The following PRKACB variants were observed in gnomAD, a reference collection of about 807,000 sequenced individuals.
PRKACB encodes cAMP-dependent protein kinase catalytic subunit beta.
In PRKACB, 16 loss-of-function variants were observed where a neutral mutation model predicts 51.4. That is an observed-to-expected ratio of 0.31 (90% CI 0.21 to 0.47). The LOEUF is 0.47. Ranked by LOEUF, PRKACB falls within the 20% of genes least tolerant of loss-of-function variation. The probability of loss-of-function intolerance (pLI) is 1.00; values close to 1 mark genes in which losing one functional copy is unlikely to be tolerated. For synonymous variants in PRKACB, 147 were observed against 154.4 expected, an observed-to-expected ratio of 0.95 and a Z score of 0.35; for missense variants, 309 against 464.5, an observed-to-expected ratio of 0.67 and a Z score of 3.08.
Position 84,095,247 on chromosome 1 carries a change from GT to G in PRKACB, c.46+16890del, listed in dbSNP as rs5775776. 2.5e-3 allele frequency among the ~76,000 whole-genome samples: 346 copies of G among 137,124 alleles called. 2 individuals are homozygous for G. Among genetic ancestry groups the G allele is most frequent in the East Asian group, 6.9e-3 (32 of 4,630 alleles). 90.0% of individuals were successfully genotyped at this position (137,124 alleles called of 152,430 possible). Reference sequence around the variant, plus strand: ...TATTTATATTTATCCCATATTTGCTGTTTTTTTTTTTTTTGCGCTTATTCCT... The same window carrying G: ...TATTTATATTTATCCCATATTTGCTGTTTTTTTTTTTTTGCGCTTATTCCT... On this transcript the variant is annotated intron_variant, in intron 1 of 8. Transcript: ENST00000370688.
chr1:84,173,906 G>A (rs149453800), intron 1 of PRKACB, among the ~76,000 whole-genome samples: 97 of 151,678 alleles, frequency 6.4e-4, no homozygotes, highest in African/African-American at 2.2e-3. Context: ...ATTTTTAATA[G>A]CCCTGTTCCT....
intron 1 of PRKACB, chr1:84,157,207 G>A (rs1655610173): frequency 6.6e-6 from 1 of 152,100 alleles, no homozygotes; most frequent in Admixed American, 6.6e-5. Flanking sequence ...TTACCACAGA[G>A]TATTGAGAAG....
At chr1:84,182,370 G>T in intron 3 of PRKACB, 42 bp downstream of exon 3, 1 of 1,455,206 alleles carries the variant, frequency 6.9e-7, no homozygotes, top group South Asian at 1.6e-5. Context: ...GTAAACTTTA[G>T]TTTTATCAGC....
At chr1:84,186,828 T>G (rs1288729701) in intron 5 of PRKACB, among the ~76,000 whole-genome samples, 1 of 151,976 alleles carries the variant, frequency 6.6e-6, no homozygotes, top group Non-Finnish European at 1.5e-5. Flanking sequence ...GAAGGAAAAT[T>G]TTTCTCAAAG....
Position 84,235,375 on chromosome 1 carries a change from G to C in PRKACB, c.*70G>C. On this transcript the variant is annotated 3_prime_UTR_variant, in exon 10 of 10. Transcript: ENST00000370685. Reference sequence around the variant, plus strand: ...CTGTTGAGAGATAAGGTAGAGCTGAGACCGTCCTTGTTGAAGCAGTTACCT... The same window carrying C: ...CTGTTGAGAGATAAGGTAGAGCTGACACCGTCCTTGTTGAAGCAGTTACCT... 6.3e-7 allele frequency: 1 copy of C among 1,589,040 alleles called. No individual in the cohort carries two copies.
chr1:84,082,367 G>C (rs1409544995), intron 1 of PRKACB, among the ~76,000 whole-genome samples: 1 of 151,936 alleles, frequency 6.6e-6, no homozygotes, highest in Non-Finnish European at 1.5e-5. Context: ...AAGTGAAAAA[G>C]ATTATTTTTT....
At position 84,197,833 on chromosome 1, in the gene PRKACB, A is replaced by G. The variant is rs1463849420; in HGVS notation, c.783+9A>G. The G allele has an allele frequency of 6.4e-7, 1 of 1,567,784 alleles. No individual in the cohort carries two copies. Among genetic ancestry groups the G allele is most frequent in the Non-Finnish European group, 8.8e-7 (1 of 1,140,540 alleles). On this transcript the variant is annotated intron_variant, in intron 7 of 9. Coordinates refer to ENST00000370685, the MANE Select transcript of PRKACB (RefSeq NM_182948.4). ...AAATAATTCTCAGCAAGGTATATTC[A>G]TAATATCAACACATAAGAAGTAGAA...
intron 7 of PRKACB, among the ~76,000 whole-genome samples, chr1:84,198,939 G>A (rs1339783614): frequency 2.1e-5 from 3 of 145,418 alleles, no homozygotes; most frequent in African/African-American, 7.7e-5. Flanking sequence ...ATGTATATGT[G>A]TATATATACA....
chr1:84,132,776 G>T (rs997909948), intron 1 of PRKACB, among the ~76,000 whole-genome samples: 1 of 152,054 alleles, frequency 6.6e-6, no homozygotes, highest in African/African-American at 2.4e-5. Flanking sequence ...GGGCACTGCT[G>T]GGGAAAGAAT....
intron 1 of PRKACB, among the ~76,000 whole-genome samples, chr1:84,090,871 A>G (rs538882543): frequency 1.1e-3 from 168 of 152,306 alleles, no homozygotes; most frequent in African/African-American, 3.9e-3. Flanking sequence ...GGGGACATGT[A>G]GAAATCACAT....
At chr1:84,179,124 C>T (rs765928648) in intron 1 of PRKACB, 53 bp from the exon 2 acceptor site, 1 of 1,466,716 alleles carries the variant, frequency 6.8e-7, no homozygotes. Flanking sequence ...TATTCTTATA[C>T]AGAATATAAA....
chr1:84,176,878 A>G lies in PRKACB; in HGVS notation c.188-2299A>G, dbSNP rs548391779. 2.7e-4 allele frequency among the ~76,000 whole-genome samples: 41 copies of G among 152,092 alleles called. 2 individuals carry two copies. In the South Asian group the frequency reaches 8.3e-3, roughly 31 times the overall value. ...TTTTAAAGAATTTCTTGCATATTCT[A>G]TTAGTGAATAAAATTAAATAATGCC... On this transcript the variant is annotated intron_variant, in intron 1 of 9. Transcript: ENST00000370685.
intron 1 of PRKACB, among the ~76,000 whole-genome samples, chr1:84,091,631 A>C (rs969050067): frequency 6.6e-6 from 1 of 151,936 alleles, no homozygotes; most frequent in East Asian, 1.9e-4. Context: ...TAGCCTCCTG[A>C]GTAGCTGGGA....
chr1:84,213,603 G>A (rs940264419), intron 8 of PRKACB, among the ~76,000 whole-genome samples: 2 of 152,034 alleles, frequency 1.3e-5, no homozygotes, highest in African/African-American at 4.8e-5. Context: ...TGCATAATAG[G>A]AGAATTATTT....
intron 7 of PRKACB, among the ~76,000 whole-genome samples, chr1:84,201,372 A>T (rs1035094229): frequency 2.6e-5 from 4 of 151,844 alleles, no homozygotes; most frequent in Non-Finnish European, 5.9e-5. Flanking sequence ...TGGCCCATTT[A>T]TCTATTGTAA....
intron 7 of PRKACB, 35 bp from the exon 8 acceptor site, chr1:84,202,648 A>T: frequency 6.4e-7 from 1 of 1,558,524 alleles, no homozygotes; most frequent in Non-Finnish European, 8.7e-7. Context: ...TGAGTAACTT[A>T]AGTAACAATT....
chr1:84,179,645 C>A (rs1662532413), intron 2 of PRKACB, among the ~76,000 whole-genome samples: 1 of 151,832 alleles, frequency 6.6e-6, no homozygotes. Context: ...GATACACAGG[C>A]ATCTTTTTTA....
chr1:84,216,331 C>A (rs1672871434), intron 9 of PRKACB, among the ~76,000 whole-genome samples: 2 of 151,728 alleles, frequency 1.3e-5, no homozygotes, highest in South Asian at 2.1e-4. Context: ...AGAACAAGAC[C>A]CCGTCTCAAA....
chr1:84,167,893 C>A lies in PRKACB; in HGVS notation c.188-11284C>A, dbSNP rs562608526. 4.9e-4 allele frequency among the ~76,000 whole-genome samples: 74 copies of A among 151,406 alleles called. 2 individuals carry two copies. Among genetic ancestry groups the A allele is most frequent in the Non-Finnish European group, 3.0e-5 (2 of 67,672 alleles). On this transcript the variant is annotated intron_variant, in intron 1 of 9. Transcript: ENST00000370685. ...GAAACTAAATTGTACCAGTCAGTAC[C>A]TTTATCTTTCTAGTATTTAAAAAAT...
Sources: allele counts gnomAD v4.1 joint callset (sites outside exome capture counted in the v4.1 genomes callset), GRCh38; gene constraint gnomAD v4.1.1; transcripts MANE v1.5; gene names NCBI Gene and HGNC (gene_info 2026-07-23, HGNC 2026-07-21).